The following MLLT10 variants were observed in gnomAD, a reference collection of about 807,000 sequenced individuals.
The protein encoded by MLLT10 is MLLT10 histone lysine methyltransferase DOT1L cofactor.
In MLLT10, 30 loss-of-function variants were observed where a neutral mutation model predicts 129.1. The observed-to-expected ratio is 0.23, with a 90% CI of 0.17 to 0.32. The LOEUF is 0.32. MLLT10 is among the 10% of genes least tolerant of loss of function. The pLI, the probability that MLLT10 is intolerant of heterozygous loss-of-function variation, is 1.00. For missense variants in MLLT10, 1,119 were observed against 1,268.3 expected (o/e 0.88, Z 1.79); for synonymous variants, 490 against 446.4 (o/e 1.10, Z -1.23).
chr10:21,604,619 C>T (rs1014286519), intron 5 of MLLT10, among the ~76,000 whole-genome samples: 5 of 152,212 alleles, frequency 3.3e-5, no homozygotes, highest in African/African-American at 1.2e-4. Flanking sequence ...ATTTCTAAAG[C>T]TGTGATACAT....
intron 16 of MLLT10, among the ~76,000 whole-genome samples, chr10:21,730,188 G>T (rs948513046): frequency 6.6e-6 from 1 of 151,772 alleles, no homozygotes; most frequent in Admixed American, 6.6e-5. Context: ...CAGCTGCTCA[G>T]GAGGCTTGAG....
At chr10:21,725,536 T>C (rs2057423829) in intron 14 of MLLT10, among the ~76,000 whole-genome samples, 1 of 151,944 alleles carries the variant, frequency 6.6e-6, no homozygotes, top group Non-Finnish European at 1.5e-5. Context: ...CTGGCCAACA[T>C]GGTGAAACTC....
At chr10:21,638,876 C>G (rs1310606538) in intron 8 of MLLT10, among the ~76,000 whole-genome samples, 1 of 152,164 alleles carries the variant, frequency 6.6e-6, no homozygotes, top group Non-Finnish European at 1.5e-5. Flanking sequence ...CCAGAGTAGG[C>G]TAGCTGCCAG....
chr10:21,674,020 A>G, intron 11 of MLLT10, 101 bp downstream of exon 11: 1 of 855,690 alleles, frequency 1.2e-6, no homozygotes, highest in Non-Finnish European at 1.7e-6. Flanking sequence ...ACTTGAAATT[A>G]ATAAATGACA....
rs565583674 is a variant in MLLT10, at chr10:21,741,846, A to G, written c.3163-93A>G. The G allele has an allele frequency of 2.6e-5, 36 of 1,365,750 alleles. No individual in the cohort carries two copies. In the African/African-American group the frequency reaches 4.3e-4, roughly 16 times the overall value. The allele number at this position is 1,365,750 out of a possible 1,614,324, so 84.6% of individuals were successfully genotyped here. A position where few individuals can be genotyped will look rare whatever the true frequency, so the allele number is the denominator to read the frequency against. On this transcript the variant is annotated intron_variant, in intron 22 of 22. Transcript: ENST00000307729. The stretch of plus-strand genomic sequence containing the variant: ...GCAAGAAAAAAGGGAGTAACTTTCT[A>G]TACCACATTTTATCTCAGTCACAGT...
At chr10:21,643,611 T>C (rs1219344245) in intron 8 of MLLT10, among the ~76,000 whole-genome samples, 2 of 152,196 alleles carry the variant, frequency 1.3e-5, no homozygotes, top group Non-Finnish European at 2.9e-5. Context: ...TTGAACTGTA[T>C]CTTGGCTGTA....
chr10:21,615,405 C>T (rs1439642380), intron 7 of MLLT10, among the ~76,000 whole-genome samples: 1 of 137,414 alleles, frequency 7.3e-6, no homozygotes, highest in South Asian at 2.3e-4. Context: ...TGCAGTGAGC[C>T]GAGATCCTGC....
intron 6 of MLLT10, among the ~76,000 whole-genome samples, chr10:21,613,974 A>G (rs2044954337): frequency 6.6e-6 from 1 of 151,998 alleles, no homozygotes; most frequent in Non-Finnish European, 1.5e-5. Flanking sequence ...TAATCCCAGC[A>G]CTTTAGGAGG....
intron 11 of MLLT10, among the ~76,000 whole-genome samples, chr10:21,678,770 T>C (rs1458885471): frequency 6.6e-6 from 1 of 152,212 alleles, no homozygotes; most frequent in Non-Finnish European, 1.5e-5. Context: ...CTCATTCAGC[T>C]TGGCAATGCT....
rs2041524382 is a variant in MLLT10, at chr10:21,582,111, T to G, written c.241-4183T>G. ...AGCTTTTCTTATAGTACATTGTTAT[T>G]TTTTTTTTTTAATTTTTAAAAATTT... On this transcript the variant is annotated intron_variant, in intron 3 of 22. Transcript: ENST00000307729. 2.0e-5 allele frequency among the ~76,000 whole-genome samples: 3 copies of G among 148,954 alleles called. No homozygotes were observed. In the South Asian group the frequency reaches 6.3e-4, roughly 31 times the overall value.
intron 13 of MLLT10, among the ~76,000 whole-genome samples, chr10:21,692,153 G>A (rs1168761489): frequency 6.6e-6 from 1 of 151,848 alleles, no homozygotes; most frequent in Non-Finnish European, 1.5e-5. Flanking sequence ...CAGCCTGGGT[G>A]ACAGATGAGA....
intron 13 of MLLT10, among the ~76,000 whole-genome samples, chr10:21,708,893 A>G (rs1250250403): frequency 6.6e-6 from 1 of 152,218 alleles, no homozygotes; most frequent in Admixed American, 6.5e-5. Context: ...AAATGGCCGT[A>G]GCTACCATTT....
At chr10:21,553,895 C>T (rs2037486383) in intron 3 of MLLT10, among the ~76,000 whole-genome samples, 1 of 152,152 alleles carries the variant, frequency 6.6e-6, no homozygotes, top group Non-Finnish European at 1.5e-5. Flanking sequence ...GGTGATCTGC[C>T]CGTCTCAGCC....
intron 14 of MLLT10, among the ~76,000 whole-genome samples, chr10:21,720,725 C>T (rs747737938): frequency 2.6e-5 from 4 of 152,096 alleles, no homozygotes; most frequent in Non-Finnish European, 4.4e-5. Context: ...AATATAGCCA[C>T]AGTTCAGAAT....
At chr10:21,741,827 A>G (rs2131602412) in intron 22 of MLLT10, 112 bp from the exon 23 acceptor site, 1 of 1,148,530 alleles carries the variant, frequency 8.7e-7, no homozygotes, top group Non-Finnish European at 1.3e-6. Context: ...ACTTGCAAGA[A>G]AAAAGGGAGT....
At chr10:21,626,896 T>G (rs1040790240) in intron 8 of MLLT10, among the ~76,000 whole-genome samples, 1 of 152,318 alleles carries the variant, frequency 6.6e-6, no homozygotes, top group Non-Finnish European at 1.5e-5. Flanking sequence ...AACATCAGTT[T>G]AGAATGTGAG....
chr10:21,584,378 T>C (rs2041788618), intron 3 of MLLT10, among the ~76,000 whole-genome samples: 1 of 151,328 alleles, frequency 6.6e-6, no homozygotes, highest in Non-Finnish European at 1.5e-5. Context: ...TTGGCCAGGA[T>C]GGTATTGATC....
intron 14 of MLLT10, 56 bp downstream of exon 14, chr10:21,714,006 T>C (rs2056336101): frequency 3.4e-6 from 5 of 1,471,782 alleles, no homozygotes; most frequent in Non-Finnish European, 4.6e-6. Flanking sequence ...ATTTTTAAAG[T>C]GAGTTTTGTT....
At chr10:21,707,633 C>T (rs1366390232) in intron 13 of MLLT10, among the ~76,000 whole-genome samples, 1 of 152,204 alleles carries the variant, frequency 6.6e-6, no homozygotes, top group African/African-American at 2.4e-5. Context: ...TTCCACTCAT[C>T]CCCGTCAGTC....
Sources: gnomAD v4.1 joint callset for allele counts (sites outside exome capture counted in the v4.1 genomes callset) on GRCh38, gnomAD v4.1.1 for gene constraint, MANE v1.5 for transcripts, NCBI Gene and HGNC (gene_info 2026-07-23, HGNC 2026-07-21) for gene names.